The following CELF5 variants were observed in gnomAD, a reference collection of about 807,000 sequenced individuals.
CELF5 encodes CUG-BP and ETR-3 like factor 5.
In CELF5, 6 loss-of-function variants were observed where a neutral mutation model predicts 54.9. The observed-to-expected ratio is 0.11, with a 90% CI of 0.06 to 0.22. CELF5 has a LOEUF of 0.22. Among genes scored for constraint, CELF5 ranks in the 10% least tolerant of loss-of-function variants. The probability of loss-of-function intolerance (pLI) is 1.00; values close to 1 mark genes in which losing one functional copy is unlikely to be tolerated. For synonymous variants in CELF5, 271 were observed against 290.9 expected, an observed-to-expected ratio of 0.93 and a Z score of 0.70; for missense variants, 401 against 678.6, an observed-to-expected ratio of 0.59 and a Z score of 4.54.
intron 1 of CELF5, among the ~76,000 whole-genome samples, chr19:3,231,332 A>G (rs941948335): frequency 6.6e-6 from 1 of 152,204 alleles, no homozygotes; most frequent in Non-Finnish European, 1.5e-5. Context: ...ATCAATGGAT[A>G]CAGACATGGA....
At chr19:3,250,859 G>T in intron 1 of CELF5, 126 bp from the exon 2 acceptor site, 1 of 672,186 alleles carries the variant, frequency 1.5e-6, no homozygotes, top group Non-Finnish European at 2.7e-6. Context: ...GCACCAGGTT[G>T]TGTAGATCTA....
intron 1 of CELF5, among the ~76,000 whole-genome samples, chr19:3,239,095 A>G (rs765037969): frequency 2.6e-5 from 4 of 152,064 alleles, no homozygotes; most frequent in Non-Finnish European, 5.9e-5. Flanking sequence ...TTAAAATTTT[A>G]TAAAATTAAT....
chr19:3,262,492 G>A (rs926504553), intron 2 of CELF5, among the ~76,000 whole-genome samples: 4 of 152,164 alleles, frequency 2.6e-5, no homozygotes, highest in African/African-American at 9.7e-5. Context: ...TTCTAGACTG[G>A]AGCCCAGCTA....
intron 11 of CELF5, 21 bp downstream of exon 11, chr19:3,290,395 C>T: frequency 1.2e-6 from 2 of 1,610,394 alleles, no homozygotes; most frequent in Non-Finnish European, 1.7e-6. Context: ...GCCGACGCCA[C>T]CCCTCCCCAT....
At chr19:3,276,890 G>A (rs2080065034) in intron 4 of CELF5, among the ~76,000 whole-genome samples, 1 of 151,778 alleles carries the variant, frequency 6.6e-6, no homozygotes, top group African/African-American at 2.4e-5. Flanking sequence ...GGGGAGGGGC[G>A]GGGCTTCTCC....
chr19:3,231,401 G>A (rs865905540), intron 1 of CELF5, among the ~76,000 whole-genome samples: 1 of 152,070 alleles, frequency 6.6e-6, no homozygotes, highest in Non-Finnish European at 1.5e-5. Context: ...GGATAGAAAA[G>A]TGGGTAGATC....
At chr19:3,255,471 A>T (rs138791542) in intron 2 of CELF5, among the ~76,000 whole-genome samples, 55 of 152,244 alleles carry the variant, frequency 3.6e-4, no homozygotes, top group Middle Eastern at 3.4e-3. Context: ...GGCGTAAGCC[A>T]TTGAGCCTAC....
chr19:3,263,188 G>A (rs1247018580), intron 2 of CELF5, among the ~76,000 whole-genome samples: 9 of 144,886 alleles, frequency 6.2e-5, no homozygotes, highest in African/African-American at 1.0e-4. Context: ...TGAAGTTTGC[G>A]GTGAGCCGAG....
intron 2 of CELF5, among the ~76,000 whole-genome samples, chr19:3,257,046 C>T (rs1012263693): frequency 2.0e-5 from 3 of 152,028 alleles, no homozygotes; most frequent in Admixed American, 1.3e-4. Context: ...TGGGATCAAG[C>T]GAGCCTCCCA....
intron 2 of CELF5, 73 bp downstream of exon 2, chr19:3,251,140 T>C: frequency 2.7e-6 from 3 of 1,102,570 alleles, no homozygotes; most frequent in Non-Finnish European, 2.8e-6. Context: ...GCCAAGGCTC[T>C]TCCTGAGATT....
intron 1 of CELF5, among the ~76,000 whole-genome samples, chr19:3,241,869 G>C (rs1403286176): frequency 6.6e-6 from 1 of 152,108 alleles, no homozygotes; most frequent in East Asian, 1.9e-4. Context: ...TTATCTCCCG[G>C]GTTCGAGCAA....
chr19:3,273,380 G>A (rs566175548), intron 2 of CELF5, among the ~76,000 whole-genome samples: 1 of 151,884 alleles, frequency 6.6e-6, no homozygotes, highest in South Asian at 2.1e-4. Context: ...TGAGGAGGAG[G>A]GGCCTCCTCC....
intron 1 of CELF5, among the ~76,000 whole-genome samples, chr19:3,240,587 C>A (rs995675275): frequency 6.6e-6 from 1 of 152,060 alleles, no homozygotes; most frequent in Non-Finnish European, 1.5e-5. Context: ...CTCGGCCTCC[C>A]AGAGTGCTGG....
chr19:3,282,672 G>A lies in CELF5; in HGVS notation c.1039+174G>A, dbSNP rs1003739834. 3.3e-5 allele frequency among the ~76,000 whole-genome samples: 5 copies of A among 152,178 alleles called. No individual in the cohort carries two copies. The highest frequency in any genetic ancestry group is 5.9e-5 in the Non-Finnish European group (4 of 68,040). On this transcript the variant is annotated intron_variant, in intron 8 of 12. Coordinates refer to ENST00000292672, the MANE Select transcript of CELF5 (RefSeq NM_021938.4). The surrounding 1 kb of genome is among the most constrained non-coding windows in gnomAD (Gnocchi z 5.2). ...ACACAGGAAGGGAGGCCGTGGCAGGGTAATAACACATTAAAACGGTGCATC... is the reference window on the plus strand; with the variant it reads ...ACACAGGAAGGGAGGCCGTGGCAGGATAATAACACATTAAAACGGTGCATC...
At chr19:3,239,773 C>G (rs2145014102) in intron 1 of CELF5, among the ~76,000 whole-genome samples, 1 of 152,048 alleles carries the variant, frequency 6.6e-6, no homozygotes, top group Non-Finnish European at 1.5e-5. Flanking sequence ...TCACCTTCTC[C>G]CATACTGACC....
chr19:3,239,938 G>A (rs1248933084), intron 1 of CELF5, among the ~76,000 whole-genome samples: 1 of 150,934 alleles, frequency 6.6e-6, no homozygotes, highest in Non-Finnish European at 1.5e-5. Context: ...CTTGACATCA[G>A]TCCAGCAGTT....
At chr19:3,277,310 A>G (rs1472319918) in intron 4 of CELF5, among the ~76,000 whole-genome samples, 1 of 151,776 alleles carries the variant, frequency 6.6e-6, no homozygotes, top group Non-Finnish European at 1.5e-5. Flanking sequence ...CCGTCTCTAC[A>G]AAAAATACAA....
chr19:3,284,048 T>C (rs1344534645), intron 8 of CELF5, among the ~76,000 whole-genome samples: 1 of 151,846 alleles, frequency 6.6e-6, no homozygotes, highest in Non-Finnish European at 1.5e-5. Flanking sequence ...GGTCTTGCTA[T>C]GTTGCCCAAG....
At chr19:3,226,044 G>C (rs546711105) in intron 1 of CELF5, among the ~76,000 whole-genome samples, 195 of 152,124 alleles carry the variant, frequency 1.3e-3, no homozygotes, top group African/African-American at 4.4e-3. Context: ...CCCAGCGTCT[G>C]AATTGGGGTG....
Sources: gnomAD v4.1 joint callset for allele counts (sites outside exome capture counted in the v4.1 genomes callset) on GRCh38, gnomAD v4.1.1 for gene constraint, Gnocchi (gnomAD v3.1) non-coding constraint, MANE v1.5 for transcripts, NCBI Gene and HGNC (gene_info 2026-07-23, HGNC 2026-07-21) for gene names.